The following PAK6 variants were observed in gnomAD, a reference collection of about 807,000 sequenced individuals.
The protein encoded by PAK6 is p21 (RAC1) activated kinase 6.
Under a neutral mutation model 60.8 loss-of-function variants are expected in PAK6, and 33 were observed. That is an observed-to-expected ratio of 0.54 (90% confidence interval 0.41 to 0.73). The LOEUF is 0.73. PAK6 is among the 30% of genes least tolerant of loss of function. The pLI is 0.00. For synonymous variants in PAK6, 404 were observed against 378.5 expected, an observed-to-expected ratio of 1.07 and a Z score of -0.78; for missense variants, 845 against 904.1, an observed-to-expected ratio of 0.93 and a Z score of 0.84.
chr15:40,262,988 G>C (rs976929726), intron 3 of PAK6, among the ~76,000 whole-genome samples: 4 of 152,184 alleles, frequency 2.6e-5, no homozygotes, highest in Non-Finnish European at 5.9e-5. Flanking sequence ...TCTACCTCTA[G>C]GGGGTGTTCG....
At chr15:40,241,504 C>G (rs773925654) in intron 2 of PAK6, among the ~76,000 whole-genome samples, 1 of 152,160 alleles carries the variant, frequency 6.6e-6, no homozygotes, top group Non-Finnish European at 1.5e-5. Flanking sequence ...AAGGAGTCCC[C>G]TCTGCAGGCA....
At chr15:40,248,058 C>T (rs1283886108) in intron 2 of PAK6, among the ~76,000 whole-genome samples, 3 of 152,310 alleles carry the variant, frequency 2.0e-5, no homozygotes, top group East Asian at 1.9e-4. Flanking sequence ...GGGAGGTACT[C>T]TTTCCATTAC....
chr15:40,243,613 G>A (rs977192836), intron 2 of PAK6, among the ~76,000 whole-genome samples: 3 of 152,202 alleles, frequency 2.0e-5, no homozygotes, highest in East Asian at 3.8e-4. Flanking sequence ...ATCAGGAAAG[G>A]CTTCACGGAG....
At chr15:40,274,378 G>A (rs1242068533) in intron 10 of PAK6, 102 bp downstream of exon 10, 1 of 1,273,034 alleles carries the variant, frequency 7.9e-7, no homozygotes. Flanking sequence ...TGAAGCCACA[G>A]GGTCTGGGCT....
exon 10 of PAK6, chr15:40,274,190 G>A: frequency 6.2e-7 from 1 of 1,613,994 alleles, no homozygotes; most frequent in Non-Finnish European, 8.5e-7. Context: ...GGTAGATGGG[G>A]AGCCACCGTA....
intron 2 of PAK6, among the ~76,000 whole-genome samples, chr15:40,241,525 G>A (rs2038337864): frequency 6.6e-6 from 1 of 152,182 alleles, no homozygotes; most frequent in South Asian, 2.1e-4. Context: ...GGCTTCCCTG[G>A]CGGTTGTCCT....
At chr15:40,265,906 A>G (rs768822725) in exon 5 of PAK6, 16 of 1,591,896 alleles carry the variant, frequency 1.0e-5, no homozygotes, top group Middle Eastern at 1.7e-4. Context: ...AACGACATCC[A>G]GAAGTTGTCA....
rs1017717805 is a variant in PAK6 at position 40,264,998 on chromosome 15, G to A, written c.204+9G>A. On this transcript the variant is annotated intron_variant, in intron 4 of 10. Transcript: ENST00000560346. ...AGCTCCAGCCCATGAAGGTAAGAGG[G>A]GCCGGCAGGGATGAGGTTCAGCCTC... is the stretch of plus-strand genomic sequence containing the variant. 3 of 1,610,472 alleles carry A rather than the reference G, an allele frequency of 1.9e-6. No homozygotes were observed. Among genetic ancestry groups the A allele is most frequent in the African/African-American group, 2.7e-5 (2 of 74,852 alleles).
intron 5 of PAK6, among the ~76,000 whole-genome samples, chr15:40,268,067 C>T (rs2039195966): frequency 6.6e-6 from 1 of 152,214 alleles, no homozygotes; most frequent in South Asian, 2.1e-4. Context: ...CCATGGGCCA[C>T]TGCTGCTGGG....
rs35119729 is a variant in PAK6 at position 40,272,658 on chromosome 15, C to A, written c.1293C>A (p.Arg431=). The A allele has an allele frequency of 3.1e-6, 5 of 1,605,596 alleles. No individual in the cohort carries two copies. The African/African-American group carries it at 6.7e-5, about 21-fold the overall frequency. ...TGGCCCGGGAGAAGCACTCGGGCCG[C>A]CAGGTGGCCGTCAAGATGATGGACC... Residue 431 remains arginine (R), a synonymous_variant, in exon 6 of 11, where the codon CGC becomes CGA. Transcript: ENST00000560346.
exon 6 of PAK6, chr15:40,272,524 C>A: frequency 6.2e-7 from 1 of 1,613,842 alleles, no homozygotes; most frequent in Non-Finnish European, 8.5e-7. Context: ...TGTTGTGACA[C>A]ATGAGCAGTT....
rs1420017269 is a variant in PAK6 at position 40,264,489 on chromosome 15, A to AC, written c.-5-287dup. 4.0e-5 allele frequency: 22 copies of AC among 549,170 alleles called. No homozygotes were observed. In the East Asian group the frequency reaches 8.9e-4, roughly 22 times the overall value. 34.0% of individuals were successfully genotyped at this position (549,170 alleles called of 1,614,324 possible). A position where few individuals can be genotyped will look rare whatever the true frequency, so the allele number is the denominator to read the frequency against. Reference sequence around the variant, plus strand: ...TGGGCTTTGGATTTTATAAAAACACACCCCCAGAGTCTGCCTGCTCCATAG... The same window carrying AC: ...TGGGCTTTGGATTTTATAAAAACACACCCCCCAGAGTCTGCCTGCTCCATAG... On this transcript the variant is annotated intron_variant, in intron 3 of 10. Coordinates refer to ENST00000560346, the Ensembl canonical transcript of PAK6.
At position 40,264,811 on chromosome 15, in the gene PAK6, G is replaced by A. The variant is rs61733786; in HGVS notation, c.26G>A (p.Arg9His). The A allele has an allele frequency of 3.3e-4, 540 of 1,613,782 alleles. No homozygotes were observed. The highest frequency in any genetic ancestry group is 4.4e-4 in the Non-Finnish European group (518 of 1,180,042). The stretch of plus-strand genomic sequence containing the variant: ...ATGTTCCGCAAGAAAAAGAAGAAAC[G>A]CCCTGAGATCTCAGCGCCACAGAAC... The change falls in exon 4 of 11, where the codon CGC becomes CAC. Residue 9 changes from arginine to histidine, a missense_variant. Physicochemically the swap from Arg to His is conservative, Grantham distance 29. Transcript: ENST00000560346.
chr15:40,272,406 C>A (rs1427177681), exon 6 of PAK6: 9 of 1,613,636 alleles, frequency 5.6e-6, no homozygotes, highest in Non-Finnish European at 7.6e-6. Context: ...GCCGGTCTTC[C>A]CCAGCGGGAT....
chr15:40,243,813 T>G (rs1267297833), intron 2 of PAK6, among the ~76,000 whole-genome samples: 1 of 152,214 alleles, frequency 6.6e-6, no homozygotes, highest in African/African-American at 2.4e-5. Context: ...TCTTGAGGAC[T>G]TGAAGTGGGC....
intron 3 of PAK6, among the ~76,000 whole-genome samples, chr15:40,257,417 G>A (rs1407825029): frequency 1.3e-5 from 2 of 152,234 alleles, no homozygotes; most frequent in Non-Finnish European, 2.9e-5. Flanking sequence ...CTCAGTATGC[G>A]CAAACAGCCC....
chr15:40,252,480 A>G (rs908755805), intron 2 of PAK6: 1 of 1,362,912 alleles, frequency 7.3e-7, no homozygotes, highest in African/African-American at 1.5e-5. Context: ...GGCCCCAGCG[A>G]CACTTGGCAA....
At chr15:40,249,210 G>A (rs183127596) in intron 2 of PAK6, among the ~76,000 whole-genome samples, 85 of 152,104 alleles carry the variant, frequency 5.6e-4, no homozygotes, top group Middle Eastern at 6.8e-3. Flanking sequence ...CTCTGCTTTC[G>A]TGACTTAATC....
chr15:40,267,842 C>T (rs1269427138), intron 5 of PAK6, among the ~76,000 whole-genome samples: 2 of 152,186 alleles, frequency 1.3e-5, no homozygotes, highest in East Asian at 1.9e-4. Context: ...AGAAAACCAA[C>T]GTAAGATCAG....
Sources: gnomAD v4.1 joint callset for allele counts (sites outside exome capture counted in the v4.1 genomes callset) on GRCh38, gnomAD v4.1.1 for gene constraint, MANE v1.5 for transcripts, NCBI Gene and HGNC (gene_info 2026-07-23, HGNC 2026-07-21) for gene names.